The following PMFBP1 variants were observed in gnomAD, a reference collection of about 807,000 sequenced individuals.
PMFBP1 encodes the protein polyamine-modulated factor 1-binding protein 1.
In PMFBP1, 131 loss-of-function variants were observed where a neutral mutation model predicts 137.8. That is an observed-to-expected ratio of 0.95 (90% CI 0.82 to 1.10). The LOEUF (loss-of-function observed/expected upper bound fraction) is 1.10. Ranked by LOEUF, PMFBP1 falls within the 50% of genes least tolerant of loss-of-function variation. PMFBP1 has a pLI of 0.00. For missense variants in PMFBP1, 1,199 were observed against 1,175.4 expected (o/e 1.02, Z -0.29); for synonymous variants, 490 against 450.4 (o/e 1.09, Z -1.11).
the PMFBP1 span, among the ~76,000 whole-genome samples, chr16:72,227,280 A>G: frequency 6.6e-6 from 1 of 152,180 alleles, no homozygotes; most frequent in Non-Finnish European, 1.5e-5. Context: ...ATTCTGAAAG[A>G]TGTGTTAAAG....
At chr16:72,119,716 G>A (rs894407845) in intron 20 of PMFBP1, 135 bp downstream of exon 20, 14 of 1,496,824 alleles carry the variant, frequency 9.4e-6, no homozygotes, top group Admixed American at 5.0e-5. Context: ...TGAAAACAAC[G>A]ATCTTTGGTC....
rs2042452279 is a variant in PMFBP1 at position 72,126,073 on chromosome 16, C to T, written c.2148G>A (p.Gln716=). The part of the protein sequence containing the change: ...SLQAQLDKAL[Q]KEKHYLQTTI... Reference sequence around the variant, plus strand: ...TAGTCTGGAGATAGTGCTTCTCCTTCTGCAGAGCTTTGTCCAGCTGGGCCT... The same window carrying T: ...TAGTCTGGAGATAGTGCTTCTCCTTTTGCAGAGCTTTGTCCAGCTGGGCCT... Residue 716 remains glutamine (Q), a synonymous_variant, in exon 15 of 21, where the codon CAG becomes CAA. Coordinates refer to ENST00000237353, the MANE Select transcript of PMFBP1 (RefSeq NM_031293.3). The T allele has an allele frequency of 6.2e-7, 1 of 1,614,238 alleles. No homozygotes were observed. Among genetic ancestry groups the T allele is most frequent in the South Asian group, 1.1e-5 (1 of 91,082 alleles).
chr16:72,228,837 CTTT>C, the PMFBP1 span, among the ~76,000 whole-genome samples: 17 of 135,642 alleles, frequency 1.3e-4, no homozygotes, highest in South Asian at 2.4e-4. Flanking sequence ...TTATATATTA[CTTT>C]TTTTTTTTTT....
At chr16:72,153,912 A>G (rs1002345504) in intron 4 of PMFBP1, among the ~76,000 whole-genome samples, 1 of 127,910 alleles carries the variant, frequency 7.8e-6, no homozygotes, top group Non-Finnish European at 1.6e-5. Flanking sequence ...AATGGAGAAG[A>G]TGGACTTATA....
At chr16:72,124,406 C>T (rs780645860) in intron 17 of PMFBP1, among the ~76,000 whole-genome samples, 3 of 152,214 alleles carry the variant, frequency 2.0e-5, no homozygotes, top group Non-Finnish European at 4.4e-5. Context: ...GGGAGGTGGG[C>T]CTGGGACAAG....
the PMFBP1 span, among the ~76,000 whole-genome samples, chr16:72,244,472 T>C: frequency 6.6e-6 from 1 of 152,196 alleles, no homozygotes; most frequent in South Asian, 2.1e-4. Flanking sequence ...ACGTCCCCTC[T>C]CCTTCTTCTC....
upstream of PMFBP1, chr16:72,173,962 A>C (rs752330233): frequency 6.6e-6 from 1 of 152,092 alleles, no homozygotes; most frequent in Admixed American, 6.5e-5. Context: ...TGAGACCTTC[A>C]TTTCTTCATG....
At chr16:72,138,707 A>C (rs561056414) in intron 7 of PMFBP1, among the ~76,000 whole-genome samples, 1 of 151,680 alleles carries the variant, frequency 6.6e-6, no homozygotes, top group Non-Finnish European at 1.5e-5. Flanking sequence ...GTAGAGATGG[A>C]GTTTCACCAA....
the PMFBP1 span, among the ~76,000 whole-genome samples, chr16:72,224,184 A>C: frequency 6.6e-6 from 1 of 152,206 alleles, no homozygotes; most frequent in East Asian, 1.9e-4. Context: ...CCTCATGTCC[A>C]AATCGGTGTC....
Position 72,135,207 on chromosome 16 carries a change from G to A in PMFBP1, c.1203+1241C>T, listed in dbSNP as rs1017080123. Among the ~76,000 whole-genome samples, 7 of 151,946 alleles carry A rather than the reference G, an allele frequency of 4.6e-5. No homozygotes were observed. The East Asian group carries it at 1.2e-3, about 25-fold the overall frequency. On this transcript the variant is annotated intron_variant, in intron 9 of 20. Transcript: ENST00000237353. The stretch of plus-strand genomic sequence containing the variant: ...TTATTATTATTTGAGACAGAGTTTC[G>A]CTCTTGTTGCCCAGGCTGGAGTGCA...
the PMFBP1 span, among the ~76,000 whole-genome samples, chr16:72,226,111 G>A: frequency 6.6e-6 from 1 of 152,112 alleles, no homozygotes; most frequent in Non-Finnish European, 1.5e-5. Context: ...CCTATGCTAT[G>A]GAATCCATCC....
At chr16:72,170,080 G>A (rs182454685) in intron 2 of PMFBP1, among the ~76,000 whole-genome samples, 2 of 152,126 alleles carry the variant, frequency 1.3e-5, no homozygotes, top group East Asian at 1.9e-4. Context: ...TACTAAGAAG[G>A]TAAGCTCCAT....
the PMFBP1 span, among the ~76,000 whole-genome samples, chr16:72,223,643 T>C: frequency 2.0e-5 from 3 of 152,110 alleles, no homozygotes; most frequent in Non-Finnish European, 4.4e-5. Flanking sequence ...CCTGCCCAAA[T>C]CATAAGTAAG....
chr16:72,122,964 G>T lies in PMFBP1; in HGVS notation c.2718C>A (p.Asn906Lys). The change falls in exon 19 of 21, where the codon AAC (asparagine) becomes AAA (lysine). Residue 906 changes from asparagine to lysine, a missense_variant. Transcript: ENST00000237353. ...QQKVANEKLG[N>K]QLREQVKYIA... ...TGTATTTCACCTGCTCTCGGAGCTG[G>T]TTTCCTAGTTTCTCATTGGCGACCC... 1 of 1,613,208 alleles carries T rather than the reference G, an allele frequency of 6.2e-7. No individual in the cohort carries two copies. Among genetic ancestry groups the T allele is most frequent in the Non-Finnish European group, 8.5e-7 (1 of 1,179,972 alleles).
the PMFBP1 span, among the ~76,000 whole-genome samples, chr16:72,243,855 A>C: frequency 6.6e-6 from 1 of 152,162 alleles, no homozygotes; most frequent in African/African-American, 2.4e-5. Flanking sequence ...GCACACCAGC[A>C]CTCGTAACAC....
Position 72,136,603 on chromosome 16 carries a change from T to C in PMFBP1, c.1048A>G (p.Met350Val). Residue 350 changes from methionine (M) to valine (V), a missense_variant and splice_region_variant, in exon 9 of 21, where the codon ATG becomes GTG. Transcript: ENST00000237353. ...TGCAGGTCCAGCTCCAGCTTCATCATGTCTACCATGGGGCGGGACAGAGTC... is the reference window on the plus strand; with the variant it reads ...TGCAGGTCCAGCTCCAGCTTCATCACGTCTACCATGGGGCGGGACAGAGTC... Reference protein sequence around the residue: ...SEQKRNIMKDMMKLELDLHGL... With the variant: ...SEQKRNIMKDVMKLELDLHGL... 6.2e-7 allele frequency: 1 copy of C among 1,614,108 alleles called. No homozygotes were observed. Among genetic ancestry groups the C allele is most frequent in the Non-Finnish European group, 8.5e-7 (1 of 1,180,010 alleles).
chr16:72,188,095 G>A, the PMFBP1 span, among the ~76,000 whole-genome samples: 1 of 152,220 alleles, frequency 6.6e-6, no homozygotes, highest in Non-Finnish European at 1.5e-5. Context: ...GTCAGCCAAT[G>A]ATGTAGTTTG....
At chr16:72,176,181 G>A (rs2043259004), upstream of PMFBP1, among the ~76,000 whole-genome samples, 2 of 152,130 alleles carry the variant, frequency 1.3e-5, no homozygotes, top group Admixed American at 6.5e-5. Flanking sequence ...AGTTCTTCTG[G>A]AGAGAAAGTA....
At chr16:72,223,762 A>G in the PMFBP1 span, among the ~76,000 whole-genome samples, 1 of 152,210 alleles carries the variant, frequency 6.6e-6, no homozygotes, top group Non-Finnish European at 1.5e-5. Flanking sequence ...CCAGGAACCT[A>G]TCAGAGGATG....
Sources: allele counts gnomAD v4.1 joint callset (sites outside exome capture counted in the v4.1 genomes callset), GRCh38; gene constraint gnomAD v4.1.1; transcripts MANE v1.5; gene names NCBI Gene and HGNC (gene_info 2026-07-23, HGNC 2026-07-21).